ANKRD33B: variants seen among roughly 807,000 people sequenced by gnomAD.
ANKRD33B encodes the protein ankyrin repeat domain 33B.
Under a neutral mutation model 21.5 loss-of-function variants are expected in ANKRD33B, and 6 were observed. The observed-to-expected ratio is 0.28, with a 90% confidence interval of 0.15 to 0.55. The LOEUF is 0.55. Ranked by LOEUF, ANKRD33B falls within the 20% of genes least tolerant of loss-of-function variation. ANKRD33B has a pLI of 0.94. For missense variants in ANKRD33B, 698 were observed against 747.2 expected, an observed-to-expected ratio of 0.93 and a Z score of 0.77; for synonymous variants, 347 against 342.4, an observed-to-expected ratio of 1.01 and a Z score of -0.15.
chr5:10,593,272 C>T (rs1181123807), intron 1 of ANKRD33B, among the ~76,000 whole-genome samples: 1 of 152,024 alleles, frequency 6.6e-6, no homozygotes, highest in African/African-American at 2.4e-5. Context: ...AAATTATTAT[C>T]GCAGATAATA....
intron 1 of ANKRD33B, among the ~76,000 whole-genome samples, chr5:10,602,815 AT>A (rs5865898): frequency 0.057 from 8,164 of 143,616 alleles, 242 homozygotes; most frequent in East Asian, 0.095. Context: ...ATTGCTTGTC[AT>A]TTTTTTTTTT....
intron 1 of ANKRD33B, among the ~76,000 whole-genome samples, chr5:10,615,846 C>T (rs531519766): frequency 2.0e-4 from 30 of 152,228 alleles, no homozygotes; most frequent in African/African-American, 4.8e-4. Context: ...ACAAGTTTTC[C>T]GGCACATTTA....
chr5:10,589,275 CCTCTT>C (rs1735633932), intron 1 of ANKRD33B, among the ~76,000 whole-genome samples: 1 of 151,484 alleles, frequency 6.6e-6, no homozygotes, highest in Admixed American at 6.6e-5. Flanking sequence ...TGGCTCCTCC[CCTCTT>C]CTCTTTGGTC....
chr5:10,595,009 A>G (rs1735788337), intron 1 of ANKRD33B, among the ~76,000 whole-genome samples: 1 of 152,100 alleles, frequency 6.6e-6, no homozygotes, highest in Non-Finnish European at 1.5e-5. Flanking sequence ...GGCTTTTCCT[A>G]TGGCAAGTAA....
intron 3 of ANKRD33B, among the ~76,000 whole-genome samples, chr5:10,646,171 C>T (rs755295488): frequency 1.1e-4 from 17 of 152,098 alleles, no homozygotes; most frequent in Non-Finnish European, 2.5e-4. Context: ...AACAAGGCAG[C>T]GAGTGGACCC....
rs773162015 is a variant in ANKRD33B, at chr5:10,618,336, G to C, written c.370G>C (p.Gly124Arg). The change falls in exon 2 of 4, where the codon GGC becomes CGC. Residue 124 changes from glycine to arginine, a missense_variant. Around this residue, in one of 3 missense-constraint regions of ANKRD33B, gnomAD observed 543 missense variants for 566.5 expected, o/e 0.96. Transcript: ENST00000296657. ...AQETDRNGRT[G>R]LIVACYHGFV... The stretch of plus-strand genomic sequence containing the variant: ...CGCTTCCCCTCTTCATTTCTAGACC[G>C]GCCTTATTGTCGCCTGCTACCACGG... 1 of 1,537,166 alleles carries C rather than the reference G, an allele frequency of 6.5e-7. No homozygotes were observed.
intron 2 of ANKRD33B, 33 bp from the exon 3 acceptor site, chr5:10,637,995 G>A (rs1736911303): frequency 6.5e-7 from 1 of 1,529,782 alleles, no homozygotes; most frequent in African/African-American, 1.4e-5. Flanking sequence ...TGTGGAAGTG[G>A]GAACCAATAC....
intron 1 of ANKRD33B, among the ~76,000 whole-genome samples, chr5:10,598,782 G>A (rs1560969154): frequency 6.6e-6 from 1 of 152,038 alleles, no homozygotes; most frequent in Non-Finnish European, 1.5e-5. Context: ...GCCAGGCATG[G>A]TGGCTCATGT....
intron 1 of ANKRD33B, among the ~76,000 whole-genome samples, chr5:10,578,321 C>T (rs1322521111): frequency 6.6e-6 from 1 of 152,144 alleles, no homozygotes. Context: ...AGAGTGCTGC[C>T]TAAGAGAAGC....
chr5:10,618,510 C>G, intron 2 of ANKRD33B, 48 bp downstream of exon 2: 1 of 1,474,662 alleles, frequency 6.8e-7, no homozygotes, highest in Middle Eastern at 1.8e-4. Flanking sequence ...GCCAGAGCAC[C>G]GCCGCCGGGC....
At chr5:10,635,706 C>T (rs1233281007) in intron 2 of ANKRD33B, among the ~76,000 whole-genome samples, 11 of 152,220 alleles carry the variant, frequency 7.2e-5, no homozygotes, top group Admixed American at 7.2e-4. Context: ...TGATGAAGAG[C>T]AAACCCACAG....
chr5:10,633,268 A>G (rs894188237), intron 2 of ANKRD33B, among the ~76,000 whole-genome samples: 1 of 151,532 alleles, frequency 6.6e-6, no homozygotes, highest in Non-Finnish European at 1.5e-5. Context: ...CGCCCAGCTA[A>G]TTTTTATATT....
intron 1 of ANKRD33B, among the ~76,000 whole-genome samples, chr5:10,588,729 G>T (rs1351430759): frequency 6.6e-6 from 1 of 152,198 alleles, no homozygotes; most frequent in East Asian, 1.9e-4. Flanking sequence ...TTCTCCATCA[G>T]CCTGAGTCTT....
intron 2 of ANKRD33B, among the ~76,000 whole-genome samples, chr5:10,622,794 C>CTTTTTTTTTTTTTTT (rs1436392852): frequency 7.6e-5 from 6 of 78,602 alleles, no homozygotes; most frequent in Admixed American, 2.1e-4. Flanking sequence ...TTTGTTTTTG[C>CTTTTTTTTTTTTTTT]TTTATTTTAT....
At chr5:10,634,799 CAAG>C in intron 2 of ANKRD33B, among the ~76,000 whole-genome samples, 1 of 150,310 alleles carries the variant, frequency 6.7e-6, no homozygotes, top group African/African-American at 2.4e-5. Flanking sequence ...TTCCCTTGTG[CAAG>C]GAAGGCTGTG....
intron 3 of ANKRD33B, among the ~76,000 whole-genome samples, chr5:10,647,199 G>C (rs2126608944): frequency 6.6e-6 from 1 of 152,172 alleles, no homozygotes; most frequent in East Asian, 1.9e-4. Context: ...CTGCCTCCCG[G>C]GTTGAAGCGA....
intron 1 of ANKRD33B, among the ~76,000 whole-genome samples, chr5:10,599,161 G>A (rs936395003): frequency 2.6e-5 from 4 of 152,106 alleles, no homozygotes; most frequent in African/African-American, 9.7e-5. Context: ...ATCACACAGT[G>A]TGCGCTCTGG....
In ANKRD33B at chr5:10,649,779, G is replaced by T; in HGVS notation, c.1151G>T (p.Arg384Ile). ...GCGGACTCCCGGGAGGGCTCCCCGA[G>T]AGCCGGCCTCCCTCCCGCCCTGGGG... is the stretch of plus-strand genomic sequence containing the variant. ...EDADSREGSPRAGLPPALGSR... is the reference protein window; with the variant it reads ...EDADSREGSPIAGLPPALGSR... Residue 384 changes from arginine to isoleucine, a missense_variant, in exon 4 of 4, where the codon AGA (arginine) becomes ATA (isoleucine). Coordinates refer to ENST00000296657, the MANE Select transcript of ANKRD33B (RefSeq NM_001164440.2). 1 of 1,401,092 alleles carries T rather than the reference G, an allele frequency of 7.1e-7. No homozygotes were observed. The allele number at this position is 1,401,092 out of a possible 1,614,324, so 86.8% of individuals were successfully genotyped here.
intron 1 of ANKRD33B, among the ~76,000 whole-genome samples, chr5:10,601,928 C>T (rs540085792): frequency 1.3e-5 from 2 of 152,354 alleles, no homozygotes; most frequent in East Asian, 3.9e-4. Flanking sequence ...CACCCAGGAG[C>T]TGGTGCACAT....
Sources: gnomAD v4.1 joint callset for allele counts (sites outside exome capture counted in the v4.1 genomes callset) on GRCh38, gnomAD v4.1.1 for gene constraint, gnomAD v4.1.1 regional missense constraint, MANE v1.5 for transcripts, NCBI Gene and HGNC (gene_info 2026-07-23, HGNC 2026-07-21) for gene names.